The following SDK1 variants were observed in gnomAD, a reference collection of about 807,000 sequenced individuals.
SDK1 encodes sidekick cell adhesion molecule 1, also known as protein sidekick-1.
In SDK1, 157 loss-of-function variants were observed where a neutral mutation model predicts 245.5. The observed-to-expected ratio is 0.64, with a 90% CI of 0.56 to 0.73. The LOEUF (loss-of-function observed/expected upper bound fraction) is 0.73, where lower values mean the gene tolerates loss of function less well. SDK1 is among the 30% of genes least tolerant of loss of function. The probability of loss-of-function intolerance (pLI) is 0.00; values close to 1 mark genes in which losing one functional copy is unlikely to be tolerated. For missense variants in SDK1, 3,583 were observed against 3,002.3 expected (o/e 1.19, Z -4.52); for synonymous variants, 1,647 against 1,278.5 (o/e 1.29, Z -6.15).
chr7:3,429,083 T>C (rs886703808), intron 1 of SDK1, among the ~76,000 whole-genome samples: 1 of 152,140 alleles, frequency 6.6e-6, no homozygotes, highest in Non-Finnish European at 1.5e-5. Flanking sequence ...AGTAGTCAAA[T>C]TTGAAAGTTG....
At chr7:3,637,920 C>G (rs1782518854) in intron 2 of SDK1, among the ~76,000 whole-genome samples, 1 of 152,236 alleles carries the variant, frequency 6.6e-6, no homozygotes, top group African/African-American at 2.4e-5. Flanking sequence ...GTATCTCATC[C>G]TGAAAGTGTT....
intron 10 of SDK1, among the ~76,000 whole-genome samples, chr7:3,968,496 C>T (rs1172454786): frequency 6.6e-6 from 1 of 152,230 alleles, no homozygotes; most frequent in East Asian, 1.9e-4. Context: ...AGACACAGCT[C>T]CTAAAGATCT....
chr7:3,472,428 C>T (rs1185902607), intron 1 of SDK1, among the ~76,000 whole-genome samples: 2 of 152,016 alleles, frequency 1.3e-5, no homozygotes, highest in African/African-American at 2.4e-5. Flanking sequence ...GGTTTACGAT[C>T]TAATTAGAGG....
intron 1 of SDK1, among the ~76,000 whole-genome samples, chr7:3,329,966 G>A (rs1208943536): frequency 1.3e-5 from 2 of 152,184 alleles, no homozygotes; most frequent in African/African-American, 4.8e-5. Context: ...AGCATTCATG[G>A]ATTTTGGTAT....
chr7:4,120,739 C>T (rs1285071110), intron 25 of SDK1, among the ~76,000 whole-genome samples: 1 of 151,960 alleles, frequency 6.6e-6, no homozygotes, highest in Non-Finnish European at 1.5e-5. Flanking sequence ...GCCTTAGCCT[C>T]CCAAGTAGCT....
intron 4 of SDK1, among the ~76,000 whole-genome samples, chr7:3,733,603 C>T (rs1464862666): frequency 6.6e-6 from 1 of 152,126 alleles, no homozygotes; most frequent in Non-Finnish European, 1.5e-5. Context: ...CTCTAGCCCG[C>T]GAGTTCCAAA....
At chr7:3,500,618 C>G (rs1186613651) in intron 1 of SDK1, among the ~76,000 whole-genome samples, 4 of 152,106 alleles carry the variant, frequency 2.6e-5, no homozygotes, top group African/African-American at 9.7e-5. Flanking sequence ...AATGATACAG[C>G]TAATTGTAGA....
At chr7:4,214,067 G>T (rs906958646) in intron 38 of SDK1, among the ~76,000 whole-genome samples, 1 of 152,110 alleles carries the variant, frequency 6.6e-6, no homozygotes, top group Non-Finnish European at 1.5e-5. Context: ...TTCTCCTCCC[G>T]CAGACAGAGA....
intron 1 of SDK1, among the ~76,000 whole-genome samples, chr7:3,376,250 A>G (rs1337037076): frequency 2.6e-5 from 4 of 152,116 alleles, no homozygotes; most frequent in Admixed American, 1.3e-4. Context: ...TAAAAATGGA[A>G]CCGTTAATTT....
intron 1 of SDK1, among the ~76,000 whole-genome samples, chr7:3,330,552 G>C (rs1430143502): frequency 1.3e-5 from 2 of 152,122 alleles, no homozygotes; most frequent in Non-Finnish European, 2.9e-5. Flanking sequence ...TGTTTGCATT[G>C]TTTTGTCATG....
At chr7:3,769,638 A>G (rs955074679) in intron 4 of SDK1, among the ~76,000 whole-genome samples, 4 of 152,152 alleles carry the variant, frequency 2.6e-5, no homozygotes, top group Non-Finnish European at 4.4e-5. Context: ...GCACTGGAAT[A>G]TCAGGACCAG....
At chr7:3,480,092 A>G (rs1306739446) in intron 1 of SDK1, among the ~76,000 whole-genome samples, 1 of 152,188 alleles carries the variant, frequency 6.6e-6, no homozygotes, top group Non-Finnish European at 1.5e-5. Context: ...AGCAGAAGGA[A>G]TTAAGCTTGC....
intron 1 of SDK1, among the ~76,000 whole-genome samples, chr7:3,556,300 CAGA>C (rs1779586187): frequency 6.6e-6 from 1 of 152,088 alleles, no homozygotes; most frequent in African/African-American, 2.4e-5. Flanking sequence ...AGGTCAAGCA[CAGA>C]AGGACAAACT....
chr7:3,340,022 G>C (rs955063249), intron 1 of SDK1, among the ~76,000 whole-genome samples: 4 of 152,082 alleles, frequency 2.6e-5, no homozygotes, highest in African/African-American at 9.7e-5. Flanking sequence ...CACTACAGAG[G>C]CTGCAGCCAT....
intron 30 of SDK1, among the ~76,000 whole-genome samples, chr7:4,151,098 T>A (rs1584303379): frequency 6.6e-6 from 1 of 152,132 alleles, no homozygotes; most frequent in African/African-American, 2.4e-5. Flanking sequence ...CCACACAGTG[T>A]CCCCAGGAGG....
intron 1 of SDK1, among the ~76,000 whole-genome samples, chr7:3,565,988 C>G (rs1239838770): frequency 6.6e-6 from 1 of 151,986 alleles, no homozygotes; most frequent in East Asian, 1.9e-4. Flanking sequence ...TGAATAAAAA[C>G]ATAAGATACG....
At chr7:3,310,286 T>C (rs1235413155) in intron 1 of SDK1, among the ~76,000 whole-genome samples, 2 of 152,182 alleles carry the variant, frequency 1.3e-5, no homozygotes, top group African/African-American at 4.8e-5. Context: ...TATTTTAAAG[T>C]CATCTTGAGT....
chr7:3,833,712 A>G (rs908823269), intron 5 of SDK1, among the ~76,000 whole-genome samples: 1 of 152,232 alleles, frequency 6.6e-6, no homozygotes, highest in Non-Finnish European at 1.5e-5. Flanking sequence ...CCACATGCAA[A>G]AATGGTACCA....
chr7:3,507,531 C>G (rs1308653931), intron 1 of SDK1, among the ~76,000 whole-genome samples: 1 of 152,168 alleles, frequency 6.6e-6, no homozygotes, highest in Admixed American at 6.6e-5. Flanking sequence ...AAGGACTGAT[C>G]TAGTGCTAGT....
Sources: gnomAD v4.1 joint callset for allele counts (sites outside exome capture counted in the v4.1 genomes callset) on GRCh38, gnomAD v4.1.1 for gene constraint, MANE v1.5 for transcripts, NCBI Gene and HGNC (gene_info 2026-07-23, HGNC 2026-07-21) for gene names.